Variants in TYW1B observed in about 807,000 individuals in gnomAD.
The protein encoded by TYW1B is S-adenosyl-L-methionine-dependent tRNA 4-demethylwyosine synthase TYW1B.
TYW1B carries 73 observed loss-of-function variants against 86.9 expected under a neutral mutation model. That is an observed-to-expected ratio of 0.84 (90% CI 0.70 to 1.02). TYW1B has a LOEUF of 1.02. Ranked by LOEUF, TYW1B falls within the 50% of genes least tolerant of loss-of-function variation. The pLI is 0.00. For synonymous variants in TYW1B, 248 were observed against 292.8 expected (o/e 0.85, Z 1.56); for missense variants, 637 against 827.4 (o/e 0.77, Z 2.82).
At chr7:72,757,738 T>C (rs1420578330) in intron 7 of TYW1B, among the ~76,000 whole-genome samples, 1 of 152,002 alleles carries the variant, frequency 6.6e-6, no homozygotes, top group Admixed American at 6.6e-5. Flanking sequence ...GTATGCCTGA[T>C]AACAAAAAAA....
At chr7:72,632,272 T>TA (rs1283600616) in intron 11 of TYW1B, among the ~76,000 whole-genome samples, 8 of 100,374 alleles carry the variant, frequency 8.0e-5, no homozygotes, top group African/African-American at 3.1e-4. Context: ...AAAATATATA[T>TA]ATATATATAC....
intron 13 of TYW1B, among the ~76,000 whole-genome samples, chr7:72,583,435 A>G (rs1811204722): frequency 6.6e-6 from 1 of 152,180 alleles, no homozygotes. Context: ...AGATACGGAG[A>G]TAAATACCAA....
intron 11 of TYW1B, among the ~76,000 whole-genome samples, chr7:72,683,663 G>A (rs1554448767): frequency 6.6e-6 from 1 of 152,098 alleles, no homozygotes; most frequent in African/African-American, 2.4e-5. Flanking sequence ...CATTATTAAA[G>A]GTCTAGTGAG....
chr7:72,632,287 A>G (rs1318448229), intron 11 of TYW1B, among the ~76,000 whole-genome samples: 6 of 110,306 alleles, frequency 5.4e-5, no homozygotes, highest in Admixed American at 1.1e-4. Context: ...ATATACGTGT[A>G]TATATATATA....
At chr7:72,692,336 G>C (rs1435193683) in intron 11 of TYW1B, among the ~76,000 whole-genome samples, 2 of 151,700 alleles carry the variant, frequency 1.3e-5, no homozygotes, top group Non-Finnish European at 2.9e-5. Flanking sequence ...AGGAGTTTGA[G>C]ACTGTCTCTA....
chr7:72,802,041 ATTT>A (rs11422825), intron 6 of TYW1B, among the ~76,000 whole-genome samples: 6 of 147,364 alleles, frequency 4.1e-5, no homozygotes, highest in Admixed American at 6.8e-5. Flanking sequence ...GTATTTTGCG[ATTT>A]TTTTTTTTTT....
chr7:72,713,743 A>C lies in TYW1B; in HGVS notation c.1248T>G (p.Cys416Trp). The C allele has an allele frequency of 6.2e-7, 1 of 1,611,018 alleles. No homozygotes were observed. The highest frequency in any genetic ancestry group is 8.5e-7 in the Non-Finnish European group (1 of 1,178,726). ...TTGGTTCTCCCACGAGGGACAATGC[A>C]CAGTGCTTTACCGTCATTCCTTCTT... ...RFEEGMTVKH[C>W]ALSLVGEPIM... is the part of the protein sequence containing the mutation. The change falls in exon 10 of 14, where the codon TGT becomes TGG. Residue 416 changes from cysteine (C) to tryptophan (W), a missense_variant. Transcript: ENST00000620995.
In TYW1B at chr7:72,794,545, G is replaced by T. The variant is rs192724592; in HGVS notation, c.846+7855C>A. Reference sequence around the variant, plus strand: ...CACCCCAGCCTGGATGAGACAGCGAGATTCTGTCTCAAAAAAAAAAAAGGT... The same window carrying T: ...CACCCCAGCCTGGATGAGACAGCGATATTCTGTCTCAAAAAAAAAAAAGGT... On this transcript the variant is annotated intron_variant, in intron 6 of 13. Coordinates refer to ENST00000620995, the MANE Select transcript of TYW1B (RefSeq NM_001145440.3). Among the ~76,000 whole-genome samples, 110 of 150,990 alleles carry T rather than the reference G, an allele frequency of 7.3e-4. 1 individual carries two copies. The highest frequency in any genetic ancestry group is 5.7e-3 in the Admixed American group (86 of 15,128).
intron 11 of TYW1B, among the ~76,000 whole-genome samples, chr7:72,647,809 C>T (rs1236341580): frequency 1.2e-4 from 19 of 152,024 alleles, no homozygotes; most frequent in African/African-American, 3.6e-4. Flanking sequence ...CTCAGCCTCC[C>T]GAGTAGCTGG....
chr7:72,753,261 A>AT (rs1252336434), intron 7 of TYW1B, among the ~76,000 whole-genome samples: 6 of 151,482 alleles, frequency 4.0e-5, no homozygotes, highest in African/African-American at 7.3e-5. Flanking sequence ...AACTGGTGGG[A>AT]TTTTTTTTTA....
chr7:72,712,415 G>A (rs1563068143), intron 10 of TYW1B, among the ~76,000 whole-genome samples: 2 of 151,992 alleles, frequency 1.3e-5, no homozygotes, highest in Non-Finnish European at 1.5e-5. Context: ...CGAAACCTCC[G>A]CCTCCCGGGT....
chr7:72,647,467 A>G (rs1361931537), intron 11 of TYW1B, among the ~76,000 whole-genome samples: 2 of 152,210 alleles, frequency 1.3e-5, no homozygotes, highest in Non-Finnish European at 2.9e-5. Flanking sequence ...AAGATGTTCA[A>G]TCCCAAGGAA....
chr7:72,609,433 C>A (rs1554435506), intron 13 of TYW1B, among the ~76,000 whole-genome samples: 1 of 151,990 alleles, frequency 6.6e-6, no homozygotes, highest in Non-Finnish European at 1.5e-5. Context: ...GTGGCTCATG[C>A]CTATAGTCCC....
chr7:72,579,448 T>C (rs1190341663), intron 13 of TYW1B, among the ~76,000 whole-genome samples: 2 of 152,140 alleles, frequency 1.3e-5, no homozygotes, highest in African/African-American at 2.4e-5. Context: ...CAAAATGCCA[T>C]AGTGTGGGGA....
At chr7:72,798,330 G>A (rs757042300) in intron 6 of TYW1B, among the ~76,000 whole-genome samples, 13 of 151,868 alleles carry the variant, frequency 8.6e-5, no homozygotes, top group Non-Finnish European at 1.2e-4. Flanking sequence ...GGCAGAGCTT[G>A]CAGTGAGCCG....
At chr7:72,803,728 C>G (rs1788445656) in intron 5 of TYW1B, among the ~76,000 whole-genome samples, 1 of 151,972 alleles carries the variant, frequency 6.6e-6, no homozygotes, top group Admixed American at 6.6e-5. Context: ...ATTCTCATGC[C>G]TCAGCCTCCA....
At chr7:72,769,079 T>C (rs12698442) in intron 7 of TYW1B, 1 of 372,688 alleles carries the variant, frequency 2.7e-6, no homozygotes. Flanking sequence ...ACACGGAGGC[T>C]AGTCTGTGGG....
rs201854451 is a variant in TYW1B at position 72,827,017 on chromosome 7, C to G, written c.5-32G>C. ...TTAAAATGACACACACAGATAATTT[C>G]ATTTAAAGCTACATATACAAAGATA... On this transcript the variant is annotated intron_variant, in intron 1 of 13. Coordinates refer to ENST00000620995, the MANE Select transcript of TYW1B (RefSeq NM_001145440.3). 3.2e-6 allele frequency: 5 copies of G among 1,583,368 alleles called. No individual in the cohort carries two copies. In the East Asian group the frequency reaches 1.1e-4, roughly 36 times the overall value.
chr7:72,643,222 T>C (rs1812844340), intron 11 of TYW1B, among the ~76,000 whole-genome samples: 1 of 151,914 alleles, frequency 6.6e-6, no homozygotes, highest in Non-Finnish European at 1.5e-5. Flanking sequence ...AGAAATGCCA[T>C]AAAATAAGGA....
Sources: allele counts gnomAD v4.1 joint callset (sites outside exome capture counted in the v4.1 genomes callset), GRCh38; gene constraint gnomAD v4.1.1; transcripts MANE v1.5; gene names NCBI Gene and HGNC (gene_info 2026-07-23, HGNC 2026-07-21).